Variants in TM9SF2 observed in about 807,000 individuals in gnomAD.
TM9SF2 encodes transmembrane 9 superfamily member 2, also known as 76 kDa membrane protein.
In TM9SF2, 13 loss-of-function variants were observed where a neutral mutation model predicts 84.9. The observed-to-expected ratio is 0.15, with a 90% CI of 0.10 to 0.24. The LOEUF (loss-of-function observed/expected upper bound fraction) is 0.24, where lower values mean the gene tolerates loss of function less well. Among genes scored for constraint, TM9SF2 ranks in the 10% least tolerant of loss-of-function variants. TM9SF2 has a pLI of 1.00. For missense variants in TM9SF2, 562 were observed against 818.5 expected (o/e 0.69, Z 3.82); for synonymous variants, 273 against 285.8 (o/e 0.96, Z 0.45).
Position 99,562,876 on chromosome 13 carries a change from C to T in TM9SF2, c.*118C>T. 2 of 905,972 alleles carry T rather than the reference C, an allele frequency of 2.2e-6. No individual in the cohort carries two copies. Among genetic ancestry groups the T allele is most frequent in the Non-Finnish European group, 3.4e-6 (2 of 587,234 alleles). The allele number at this position is 905,972 out of a possible 1,614,324, so 56.1% of individuals were successfully genotyped here. On this transcript the variant is annotated 3_prime_UTR_variant, in exon 17 of 17. Coordinates refer to ENST00000376387, the MANE Select transcript of TM9SF2 (RefSeq NM_004800.3). ...TATTGGCCTAGTAATCCTTCAGAAA[C>T]ACCGTAATTCTAAATAAACCTCTTC...
intron 9 of TM9SF2, among the ~76,000 whole-genome samples, chr13:99,542,936 G>A (rs759971219): frequency 6.6e-6 from 1 of 152,080 alleles, no homozygotes; most frequent in Non-Finnish European, 1.5e-5. Context: ...TCTTGAGCAC[G>A]GCCCTCCAGG....
chr13:99,545,821 T>C (rs972268626), intron 10 of TM9SF2, among the ~76,000 whole-genome samples: 1 of 152,162 alleles, frequency 6.6e-6, no homozygotes, highest in African/African-American at 2.4e-5. Flanking sequence ...CGCCTCGGCC[T>C]CCCAAAGTGC....
At chr13:99,520,984 C>G (rs1312090562) in intron 3 of TM9SF2, among the ~76,000 whole-genome samples, 1 of 152,200 alleles carries the variant, frequency 6.6e-6, no homozygotes, top group East Asian at 1.9e-4. Flanking sequence ...TTCATCATCT[C>G]TCAGAATTCT....
At chr13:99,540,617 G>T (rs2046254856) in intron 7 of TM9SF2, 97 bp from the exon 8 acceptor site, 3 of 836,598 alleles carry the variant, frequency 3.6e-6, no homozygotes, top group Non-Finnish European at 3.7e-6. Context: ...TGCAGTTGTT[G>T]ACTCAATGGA....
rs148417693 is a variant in TM9SF2 at position 99,503,109 on chromosome 13, CTGT to C, written c.171+1339_171+1341del. On this transcript the variant is annotated intron_variant, in intron 1 of 16. Coordinates refer to ENST00000376387, the MANE Select transcript of TM9SF2 (RefSeq NM_004800.3). ...CTTTTTGAGGATTCTGACTGAAAGA[CTGT>C]TGTTGTGCTTCCAAGTGGAAGATCT... 7.9e-3 allele frequency among the ~76,000 whole-genome samples: 1,200 copies of C among 152,318 alleles called. 8 individuals are homozygous for C. The highest frequency in any genetic ancestry group is 0.017 in the Middle Eastern group (5 of 294).
intron 16 of TM9SF2, among the ~76,000 whole-genome samples, chr13:99,560,430 C>A (rs1237782720): frequency 6.6e-6 from 1 of 152,014 alleles, no homozygotes; most frequent in African/African-American, 2.4e-5. Context: ...GGGTGCGTGT[C>A]TTGGTGCTAC....
At chr13:99,512,506 A>C (rs2046117683) in intron 1 of TM9SF2, among the ~76,000 whole-genome samples, 1 of 152,228 alleles carries the variant, frequency 6.6e-6, no homozygotes, top group Non-Finnish European at 1.5e-5. Context: ...AGATGGATAA[A>C]AACTAATAAC....
chr13:99,515,715 A>G (rs1594046531), intron 1 of TM9SF2, among the ~76,000 whole-genome samples: 1 of 149,036 alleles, frequency 6.7e-6, no homozygotes, highest in African/African-American at 2.5e-5. Context: ...TAATCTCCCT[A>G]TCCCTATGAG....
intron 14 of TM9SF2, among the ~76,000 whole-genome samples, chr13:99,554,675 T>A (rs1413683824): frequency 6.6e-6 from 1 of 152,228 alleles, no homozygotes; most frequent in African/African-American, 2.4e-5. Context: ...TTGTTAATTC[T>A]TACTCTTCCT....
chr13:99,527,222 G>A (rs2046187545), intron 3 of TM9SF2, among the ~76,000 whole-genome samples: 1 of 152,134 alleles, frequency 6.6e-6, no homozygotes, highest in African/African-American at 2.4e-5. Context: ...GGCATAATGG[G>A]ATTAGTCCTG....
chr13:99,553,825 T>G (rs1272742822), intron 13 of TM9SF2, among the ~76,000 whole-genome samples: 1 of 152,206 alleles, frequency 6.6e-6, no homozygotes, highest in Non-Finnish European at 1.5e-5. Context: ...TAAAGCTTCA[T>G]ACAGCCATTC....
chr13:99,539,382 C>T (rs2046248582), intron 6 of TM9SF2, 64 bp from the exon 7 acceptor site: 5 of 982,562 alleles, frequency 5.1e-6, no homozygotes, highest in Middle Eastern at 2.1e-4. Flanking sequence ...AAATCTGTAA[C>T]CTTTACCTCA....
At chr13:99,544,078 A>C (rs774643138) in intron 10 of TM9SF2, 83 bp downstream of exon 10, 1 of 1,490,934 alleles carries the variant, frequency 6.7e-7, no homozygotes, top group Non-Finnish European at 9.2e-7. Context: ...CTGGCCGGGC[A>C]TGGTGGCTCA....
intron 12 of TM9SF2, among the ~76,000 whole-genome samples, chr13:99,549,926 A>G (rs1344700523): frequency 1.3e-5 from 2 of 152,206 alleles, no homozygotes; most frequent in Non-Finnish European, 2.9e-5. Flanking sequence ...CACATTTGGG[A>G]TAAATATTCT....
At position 99,541,646 on chromosome 13, in the gene TM9SF2, A is replaced by G. The variant is rs2046260073; in HGVS notation, c.996A>G (p.Arg332=). Residue 332 remains arginine, a synonymous_variant, in exon 9 of 17, where the codon AGA becomes AGG. Transcript: ENST00000376387. Reference sequence around the variant, plus strand: ...GGACACTGCACAAAGATATTGCTAGATATAATCAGATGGACTCTACGGTAA... The same window carrying G: ...GGACACTGCACAAAGATATTGCTAGGTATAATCAGATGGACTCTACGGTAA... ...MLRTLHKDIA[R]YNQMDSTEDA... The G allele has an allele frequency of 1.2e-6, 2 of 1,610,716 alleles. No homozygotes were observed. The highest frequency in any genetic ancestry group is 1.3e-5 in the African/African-American group (1 of 74,834).
intron 5 of TM9SF2, among the ~76,000 whole-genome samples, chr13:99,537,109 T>G (rs1480319974): frequency 6.8e-6 from 1 of 147,130 alleles, no homozygotes; most frequent in Non-Finnish European, 1.5e-5. Flanking sequence ...TATTATAACC[T>G]TTTTAAGACC....
At chr13:99,527,390 T>C (rs1487362374) in intron 3 of TM9SF2, among the ~76,000 whole-genome samples, 1 of 152,160 alleles carries the variant, frequency 6.6e-6, no homozygotes, top group African/African-American at 2.4e-5. Context: ...GAGGCAACCA[T>C]GTCCTTCTTC....
chr13:99,501,798 C>T (rs1364357829), intron 1 of TM9SF2, 21 bp downstream of exon 1: 7 of 1,599,980 alleles, frequency 4.4e-6, no homozygotes, highest in South Asian at 2.2e-5. Flanking sequence ...CCTGACGAGC[C>T]CTCTGATGCA....
intron 1 of TM9SF2, among the ~76,000 whole-genome samples, chr13:99,507,007 C>T (rs1404778787): frequency 1.3e-5 from 2 of 152,102 alleles, no homozygotes; most frequent in Non-Finnish European, 2.9e-5. Context: ...CTTTTTGCTC[C>T]TCTTCTCACT....
Sources: gnomAD v4.1 joint callset for allele counts (sites outside exome capture counted in the v4.1 genomes callset) on GRCh38, gnomAD v4.1.1 for gene constraint, MANE v1.5 for transcripts, NCBI Gene and HGNC (gene_info 2026-07-23, HGNC 2026-07-21) for gene names.